The following SON variants were observed in gnomAD, a reference collection of about 807,000 sequenced individuals.
The protein encoded by SON is protein SON.
SON carries 4 observed loss-of-function variants against 173.3 expected under a neutral mutation model. That is an observed-to-expected ratio of 0.02 (90% CI 0.01 to 0.05). The LOEUF (loss-of-function observed/expected upper bound fraction) is 0.05. Among genes scored for constraint, SON ranks in the 10% least tolerant of loss-of-function variants. The probability of loss-of-function intolerance (pLI) is 1.00; values close to 1 mark genes in which losing one functional copy is unlikely to be tolerated. For missense variants in SON, 2,626 were observed against 3,055.3 expected, an observed-to-expected ratio of 0.86 and a Z score of 3.31; for synonymous variants, 1,190 against 1,105.9, an observed-to-expected ratio of 1.08 and a Z score of -1.51.
At chr21:33,569,274 A>G (rs971362356) in intron 8 of SON, 187 bp downstream of exon 8, 1 of 540,664 alleles carries the variant, frequency 1.8e-6, no homozygotes, top group Non-Finnish European at 3.4e-6. Context: ...AAATGTATAA[A>G]TGTGGCTCAA....
At chr21:33,546,766 A>C (rs2085625785) in intron 2 of SON, 1 of 153,048 alleles carries the variant, frequency 6.5e-6, no homozygotes, top group Non-Finnish European at 1.5e-5. Flanking sequence ...GGGCGACAAG[A>C]ATGAAACTCC....
At chr21:33,560,107 C>T in intron 6 of SON, 2 of 1,613,446 alleles carry the variant, frequency 1.2e-6, no homozygotes, top group South Asian at 1.1e-5. Flanking sequence ...CTTCAAGGCT[C>T]TATAGCTCTA....
At chr21:33,548,714 T>C (rs1427640198) in intron 2 of SON, among the ~76,000 whole-genome samples, 2 of 152,256 alleles carry the variant, frequency 1.3e-5, no homozygotes, top group Admixed American at 6.5e-5. Context: ...TGGCAGTCTG[T>C]TCCAGAGCCA....
At position 33,575,902 on chromosome 21, in the gene SON, G is replaced by A; in HGVS notation, c.7221+9G>A. On this transcript the variant is annotated intron_variant, in intron 11 of 11. Coordinates refer to ENST00000356577, the MANE Select transcript of SON (RefSeq NM_138927.4). ...AACATTTTCTCTTTAGGGTAAATAT[G>A]AATTTCTGCATTAATTATATATATT... The A allele has an allele frequency of 7.7e-7, 1 of 1,303,522 alleles. No homozygotes were observed. Among genetic ancestry groups the A allele is most frequent in the Non-Finnish European group, 1.1e-6 (1 of 909,244 alleles). 80.7% of individuals were successfully genotyped at this position (1,303,522 alleles called of 1,614,324 possible).
rs761659958 is a variant in SON, at chr21:33,553,685, A to G, written c.4454A>G (p.Lys1485Arg). Reference protein sequence around the residue: ...ESSIMSSHVMKGINLSSGDQN... With the variant: ...ESSIMSSHVMRGINLSSGDQN... The stretch of plus-strand genomic sequence containing the variant: ...AGTATCATGTCATCACATGTTATGA[A>G]AGGAATTAATCTATCCTCTGGTGAT... The change falls in exon 3 of 12, where the codon AAA becomes AGA. Residue 1485 changes from lysine (K) to arginine (R), a missense_variant. Physicochemically the swap from Lys to Arg is conservative, Grantham distance 26. This residue lies in a region of SON where 1,006 missense variants were observed against 895.6 expected (regional missense o/e 1.12). Coordinates refer to ENST00000356577, the MANE Select transcript of SON (RefSeq NM_138927.4). The G allele has an allele frequency of 1.1e-5, 17 of 1,614,056 alleles. No individual in the cohort carries two copies. In the South Asian group the frequency reaches 1.9e-4, roughly 18 times the overall value.
chr21:33,548,459 G>T (rs993345173), intron 2 of SON, among the ~76,000 whole-genome samples: 1 of 152,190 alleles, frequency 6.6e-6, no homozygotes, highest in South Asian at 2.1e-4. Context: ...AGAATGTAAC[G>T]TAGGCATGAT....
intron 8 of SON, among the ~76,000 whole-genome samples, chr21:33,570,623 TTTATA>T (rs1466763522): frequency 6.6e-6 from 1 of 152,192 alleles, no homozygotes; most frequent in Non-Finnish European, 1.5e-5. Context: ...ATGAAAGTGA[TTTATA>T]TAATATTTGA....
intron 2 of SON, 143 bp downstream of exon 2, chr21:33,546,522 G>C (rs538504338): frequency 1.7e-6 from 1 of 593,980 alleles, no homozygotes; most frequent in African/African-American, 1.9e-5. Context: ...GCTCACGCCT[G>C]TAATCCCAGC....
rs75100612 is a variant in SON, at chr21:33,567,535, C to G, written c.6768+268C>G. The G allele has an allele frequency of 4.6e-3, 1,887 of 410,522 alleles. 28 individuals carry two copies. Among genetic ancestry groups the G allele is most frequent in the African/African-American group, 0.035 (1,729 of 49,986 alleles). 25.4% of individuals were successfully genotyped at this position (410,522 alleles called of 1,614,324 possible). On this transcript the variant is annotated intron_variant, in intron 7 of 11. Transcript: ENST00000356577. ...TCCCTGTCCTCACAGAGTTTACAATCTGGTGTATAAAAACAACTAAGTGCC... is the reference window on the plus strand; with the variant it reads ...TCCCTGTCCTCACAGAGTTTACAATGTGGTGTATAAAAACAACTAAGTGCC...
Position 33,575,773 on chromosome 21 carries a change from T to G in SON, c.7106-5T>G. 1 of 1,593,286 alleles carries G rather than the reference T, an allele frequency of 6.3e-7. No individual in the cohort carries two copies. The highest frequency in any genetic ancestry group is 8.6e-7 in the Non-Finnish European group (1 of 1,163,306). ...TTTAAAACTGGGTATTTCTCCCCCC[T>G]GCAGGCAAACATCCTGTGTCTGCTT... On this transcript the variant is annotated splice_region_variant and splice_polypyrimidine_tract_variant and intron_variant, in intron 10 of 11. Coordinates refer to ENST00000356577, the MANE Select transcript of SON (RefSeq NM_138927.4).
rs1008431052 is a variant in SON, at chr21:33,553,054, G to C, written c.3823G>C (p.Val1275Leu). 4 of 1,612,790 alleles carry C rather than the reference G, an allele frequency of 2.5e-6. No homozygotes were observed. In the African/African-American group the frequency reaches 4.0e-5, roughly 16 times the overall value. The change falls in exon 3 of 12, where the codon GTT becomes CTT. Residue 1275 changes from valine to leucine, a missense_variant. Around this residue, in one of 13 missense-constraint regions of SON, gnomAD observed 1,006 missense variants for 895.6 expected, o/e 1.12. Transcript: ENST00000356577. Reference sequence around the variant, plus strand: ...TGCAGTAGTAGCAGAAGAACATGAAGTTGTTCCAGAGAGACCAGTGACTTG... The same window carrying C: ...TGCAGTAGTAGCAGAAGAACATGAACTTGTTCCAGAGAGACCAGTGACTTG... ...ESAVVAEEHE[V>L]VPERPVTCMV...
At chr21:33,569,220 C>A in intron 8 of SON, 133 bp downstream of exon 8, 1 of 585,182 alleles carries the variant, frequency 1.7e-6, no homozygotes, top group Non-Finnish European at 3.1e-6. Context: ...TGTATATGCT[C>A]CAGGGCGGAC....
At chr21:33,569,501 C>T (rs2086237742) in intron 8 of SON, 3 of 372,080 alleles carry the variant, frequency 8.1e-6, no homozygotes, top group Admixed American at 4.1e-5. Flanking sequence ...TGGATCACTG[C>T]CCCCAAGAGC....
intron 2 of SON, among the ~76,000 whole-genome samples, chr21:33,547,880 A>G: frequency 1.5e-5 from 1 of 65,270 alleles, no homozygotes; most frequent in South Asian, 5.0e-4. Context: ...ACGCCCGGCT[A>G]ATTTTTTGTA....
intron 3 of SON, 132 bp from the exon 4 acceptor site, chr21:33,557,024 T>A (rs537330201): frequency 1.4e-4 from 94 of 682,950 alleles, no homozygotes; most frequent in African/African-American, 1.4e-3. Flanking sequence ...TTTTTTTTTT[T>A]CTTTTTTGTT....
chr21:33,551,079 A>G lies in SON; in HGVS notation c.1848A>G (p.Gly616=). The change falls in exon 3 of 12, where the codon GGA becomes GGG. Residue 616 remains glycine (G), a synonymous_variant. Transcript: ENST00000356577. ...LEFSGQSGAA[G]ALELLGQPLA... ...TCTCGGGGCAGTCTGGGGCAGCTGG[A>G]GCACTGGAGCTTTTGGGGCAGCCTC... 6.2e-7 allele frequency: 1 copy of G among 1,608,710 alleles called. No individual in the cohort carries two copies. The highest frequency in any genetic ancestry group is 8.5e-7 in the Non-Finnish European group (1 of 1,178,354).
rs780120518 is a variant in SON, at chr21:33,554,747, G to C, written c.5516G>C (p.Arg1839Pro). The change falls in exon 3 of 12, where the codon CGT (arginine) becomes CCT (proline). Residue 1839 changes from arginine to proline, a missense_variant. Physicochemically the swap from Arg to Pro is moderately radical, Grantham distance 103. Coordinates refer to ENST00000356577, the MANE Select transcript of SON (RefSeq NM_138927.4). ...TCTTCTGAACACAAATCACGCAAGC[G>C]TACCAGTGAATCTCGTTCTAGGGCA... ...SKSSEHKSRK[R>P]TSESRSRARK... 1 of 1,613,798 alleles carries C rather than the reference G, an allele frequency of 6.2e-7. No homozygotes were observed. The highest frequency in any genetic ancestry group is 8.5e-7 in the Non-Finnish European group (1 of 1,180,008).
Position 33,554,662 on chromosome 21 carries a change from A to G in SON, c.5431A>G (p.Lys1811Glu), listed in dbSNP as rs1421584643. Residue 1811 changes from lysine (K) to glutamate (E), a missense_variant, in exon 3 of 12, where the codon AAG becomes GAG. Physicochemically the swap from Lys to Glu is moderately conservative, Grantham distance 56. Coordinates refer to ENST00000356577, the MANE Select transcript of SON (RefSeq NM_138927.4). The part of the protein sequence containing the change: ...EKSKKNKNRD[K>E]GEKEKKRDSS... ...AAGCAAGAAAAATAAGAACCGTGAT[A>G]AGGGGGAGAAAGAGAAGAAAAGAGA... 1 of 1,613,572 alleles carries G rather than the reference A, an allele frequency of 6.2e-7. No individual in the cohort carries two copies. The highest frequency in any genetic ancestry group is 1.7e-5 in the Admixed American group (1 of 59,952).
Position 33,559,181 on chromosome 21 carries a change from T to C in SON, c.6322-49T>C, listed in dbSNP as rs370596526. The C allele has an allele frequency of 3.3e-5, 46 of 1,390,136 alleles. No homozygotes were observed. The African/African-American group carries it at 6.5e-4, about 20-fold the overall frequency. 86.1% of individuals were successfully genotyped at this position (1,390,136 alleles called of 1,614,324 possible). On this transcript the variant is annotated intron_variant, in intron 4 of 11. Coordinates refer to ENST00000356577, the MANE Select transcript of SON (RefSeq NM_138927.4). The surrounding 1 kb of genome is among the most constrained non-coding windows in gnomAD (Gnocchi z 4.1). ...GGTTTTGATTCTAAGAAATTACATG[T>C]TCTACATAAAGCGTAAGATTTATCT...
Sources: gnomAD v4.1 joint callset for allele counts (sites outside exome capture counted in the v4.1 genomes callset) on GRCh38, gnomAD v4.1.1 for gene constraint, gnomAD v4.1.1 regional missense constraint, Gnocchi (gnomAD v3.1) non-coding constraint, MANE v1.5 for transcripts, NCBI Gene and HGNC (gene_info 2026-07-23, HGNC 2026-07-21) for gene names.